TNR: variants seen among roughly 807,000 people sequenced by gnomAD.
The protein encoded by TNR is tenascin-R.
In TNR, 45 loss-of-function variants were observed where a neutral mutation model predicts 150.4. The observed-to-expected ratio is 0.30, with a 90% confidence interval of 0.24 to 0.38. The LOEUF (loss-of-function observed/expected upper bound fraction) is 0.38, where lower values mean the gene tolerates loss of function less well. Ranked by LOEUF, TNR falls within the 10% of genes least tolerant of loss-of-function variation. The pLI is 1.00. For synonymous variants in TNR, 687 were observed against 678.4 expected (o/e 1.01, Z -0.20); for missense variants, 1,544 against 1,759.1 (o/e 0.88, Z 2.19).
Position 175,647,439 on chromosome 1 carries a change from A to AAAAAAAAC in TNR, c.-165+95786_-165+95787insGTTTTTTT, listed in dbSNP as rs1463883627. Among the ~76,000 whole-genome samples, 209 of 151,758 alleles carry AAAAAAAAC rather than the reference A, an allele frequency of 1.4e-3. 7 individuals carry two copies. Among genetic ancestry groups the AAAAAAAAC allele is most frequent in the African/African-American group, 4.3e-3 (179 of 41,288 alleles). On this transcript the variant is annotated intron_variant, in intron 1 of 22. Transcript: ENST00000367674. ...TACGCTTGTTACTATTCGGTGCAAA[A>AAAAAAAAC]AAAAAAAAAACCTCATTGTCTCAGG...
rs191735071 is a variant in TNR at position 175,330,359 on chromosome 1, G to A, written c.3632-124C>T. ...GAGGAGGGGACTCCAGATTGCTTTT[G>A]CTCTTGGTGCTTCACAGGTTGTTAT... On this transcript the variant is annotated intron_variant, in intron 20 of 22. Transcript: ENST00000367674. 587 of 1,040,250 alleles carry A rather than the reference G, an allele frequency of 5.6e-4. 4 individuals are homozygous for A. In the Middle Eastern group the frequency reaches 0.012, roughly 21 times the overall value. 64.4% of individuals were successfully genotyped at this position (1,040,250 alleles called of 1,614,324 possible). A position where few individuals can be genotyped will look rare whatever the true frequency, so the allele number is the denominator to read the frequency against.
At chr1:175,616,300 TC>T (rs1439585751) in intron 1 of TNR, among the ~76,000 whole-genome samples, 1 of 152,184 alleles carries the variant, frequency 6.6e-6, no homozygotes, top group East Asian at 1.9e-4. Flanking sequence ...GTCTGGGATG[TC>T]CCCCACCTGC....
intron 1 of TNR, among the ~76,000 whole-genome samples, chr1:175,551,918 G>T (rs1216250734): frequency 2.0e-5 from 3 of 151,934 alleles, no homozygotes; most frequent in Admixed American, 6.6e-5. Flanking sequence ...GGGTTGTAAG[G>T]GTCTAAATCC....
At chr1:175,661,965 A>T (rs1418847783) in intron 1 of TNR, among the ~76,000 whole-genome samples, 1 of 152,042 alleles carries the variant, frequency 6.6e-6, no homozygotes, top group Non-Finnish European at 1.5e-5. Flanking sequence ...TGGACCTAGA[A>T]GGTGGCATTC....
At chr1:175,374,498 A>G (rs2236878) in intron 9 of TNR, among the ~76,000 whole-genome samples, 64,331 of 151,946 alleles carry the variant, frequency 0.42, 13,870 homozygotes, top group Middle Eastern at 0.5. Context: ...GTGAGTGTGC[A>G]TATGTGCTTA....
At chr1:175,696,289 C>A (rs888375061) in intron 1 of TNR, among the ~76,000 whole-genome samples, 2 of 146,218 alleles carry the variant, frequency 1.4e-5, no homozygotes, top group Non-Finnish European at 3.0e-5. Flanking sequence ...AGGGTAAAGC[C>A]CCCACAGGTA....
In TNR at chr1:175,676,215, C is replaced by T. The variant is rs558463984; in HGVS notation, c.-165+67011G>A. 1.6e-4 allele frequency among the ~76,000 whole-genome samples: 25 copies of T among 152,214 alleles called. No individual in the cohort carries two copies. In the East Asian group the frequency reaches 2.7e-3, roughly 16 times the overall value. ...TGATATCTCACCAGAGCTCAGCTACCAGTTGTCTGCATTAATCCCCAAGGC... is the reference window on the plus strand; with the variant it reads ...TGATATCTCACCAGAGCTCAGCTACTAGTTGTCTGCATTAATCCCCAAGGC... On this transcript the variant is annotated intron_variant, in intron 1 of 22. Transcript: ENST00000367674.
chr1:175,658,746 C>T (rs1205831022), intron 1 of TNR, among the ~76,000 whole-genome samples: 1 of 152,198 alleles, frequency 6.6e-6, no homozygotes, highest in Non-Finnish European at 1.5e-5. Flanking sequence ...AAAAGAGGCT[C>T]ACAAATAGGG....
At chr1:175,720,861 A>T (rs1462342017) in intron 1 of TNR, among the ~76,000 whole-genome samples, 1 of 152,214 alleles carries the variant, frequency 6.6e-6, no homozygotes, top group Non-Finnish European at 1.5e-5. Flanking sequence ...AAATAACCAC[A>T]CTAGCGCTCT....
At chr1:175,616,333 C>T (rs1663774256) in intron 1 of TNR, among the ~76,000 whole-genome samples, 1 of 152,192 alleles carries the variant, frequency 6.6e-6, no homozygotes, top group Non-Finnish European at 1.5e-5. Flanking sequence ...GGCATTACAG[C>T]CCTCAGGAGA....
chr1:175,323,573 T>C lies in TNR; in HGVS notation c.3958-97A>G, dbSNP rs1649182252. The C allele has an allele frequency of 9.2e-6, 14 of 1,521,256 alleles. 1 individual carries two copies. In the Admixed American group the frequency reaches 2.3e-4, roughly 25 times the overall value. The allele number at this position is 1,521,256 out of a possible 1,614,324, so 94.2% of individuals were successfully genotyped here. A position where few individuals can be genotyped will look rare whatever the true frequency, so the allele number is the denominator to read the frequency against. ...TTATGGGAACAGGGAATCCACAATG[T>C]GGGGTTAGCTATTTTCAGCTAACAT... On this transcript the variant is annotated intron_variant, in intron 22 of 22. Coordinates refer to ENST00000367674, the MANE Select transcript of TNR (RefSeq NM_003285.3).
At chr1:175,700,836 T>C (rs1666671753) in intron 1 of TNR, among the ~76,000 whole-genome samples, 1 of 152,242 alleles carries the variant, frequency 6.6e-6, no homozygotes, top group South Asian at 2.1e-4. Flanking sequence ...CACCAGATTC[T>C]CTGTCCTGCA....
At chr1:175,530,493 G>C (rs914264404) in intron 1 of TNR, among the ~76,000 whole-genome samples, 2 of 152,148 alleles carry the variant, frequency 1.3e-5, no homozygotes, top group Non-Finnish European at 2.9e-5. Flanking sequence ...CAGTTGGGTG[G>C]TGTCTCAAAG....
intron 21 of TNR, among the ~76,000 whole-genome samples, chr1:175,329,749 C>T (rs1422370816): frequency 6.6e-6 from 1 of 152,228 alleles, no homozygotes; most frequent in African/African-American, 2.4e-5. Flanking sequence ...TCTTCATCTT[C>T]ACATTGCATC....
intron 2 of TNR, among the ~76,000 whole-genome samples, chr1:175,468,090 G>C (rs72725417): frequency 0.034 from 5,109 of 152,320 alleles, 130 homozygotes; most frequent in Middle Eastern, 0.058. Flanking sequence ...AGTAGCAGAA[G>C]CAACTGGAGT....
rs776542764 is a variant in TNR at position 175,355,496 on chromosome 1, A to C, written c.3249+7T>G. ...AATGGTCTTTTCCCTTTCCAGCAAA[A>C]TCTCACCTTGCGGCTTCCATCGGTG... On this transcript the variant is annotated splice_region_variant and intron_variant, in intron 17 of 22. Transcript: ENST00000367674. The C allele has an allele frequency of 6.2e-6, 10 of 1,613,508 alleles. No individual in the cohort carries two copies. The highest frequency in any genetic ancestry group is 8.5e-6 in the Non-Finnish European group (10 of 1,179,724).
intron 4 of TNR, 151 bp downstream of exon 4, chr1:175,402,989 C>A: frequency 1.4e-6 from 1 of 704,682 alleles, no homozygotes; most frequent in East Asian, 2.6e-5. Flanking sequence ...GAACTCAGCT[C>A]TCTTGGAAAG....
At chr1:175,367,071 T>C (rs1651874841) in intron 10 of TNR, 137 bp downstream of exon 10, 4 of 706,130 alleles carry the variant, frequency 5.7e-6, no homozygotes, top group East Asian at 5.4e-5. Context: ...ATGTTGTTTC[T>C]AGGCTGACAG....
chr1:175,476,160 G>A (rs1217297685), intron 2 of TNR, among the ~76,000 whole-genome samples: 1 of 152,166 alleles, frequency 6.6e-6, no homozygotes, highest in Non-Finnish European at 1.5e-5. Flanking sequence ...AGAATAAGAG[G>A]TGAGAGTCCT....
Sources: gnomAD v4.1 joint callset for allele counts (sites outside exome capture counted in the v4.1 genomes callset) on GRCh38, gnomAD v4.1.1 for gene constraint, MANE v1.5 for transcripts, NCBI Gene and HGNC (gene_info 2026-07-23, HGNC 2026-07-21) for gene names.